Variants in S100PBP observed in about 807,000 individuals in gnomAD.
S100PBP encodes S100P-binding protein.
Under a neutral mutation model 39.9 loss-of-function variants are expected in S100PBP, and 15 were observed. The ratio of observed to expected loss-of-function variants is 0.38; its 90% CI spans 0.25 to 0.58. The LOEUF (loss-of-function observed/expected upper bound fraction) is 0.58. S100PBP is among the 20% of genes least tolerant of loss of function. S100PBP has a pLI of 0.70. For missense variants in S100PBP, 504 were observed against 487.3 expected, an observed-to-expected ratio of 1.03 and a Z score of -0.32; for synonymous variants, 178 against 180.3, an observed-to-expected ratio of 0.99 and a Z score of 0.10.
chr1:32,854,338 T>G (rs1272339291), intron 6 of S100PBP, among the ~76,000 whole-genome samples: 2 of 152,212 alleles, frequency 1.3e-5, no homozygotes, highest in Non-Finnish European at 2.9e-5. Context: ...CTAGATTACT[T>G]ATGATAACTA....
intron 4 of S100PBP, among the ~76,000 whole-genome samples, chr1:32,829,659 G>A (rs763052929): frequency 1.1e-4 from 17 of 152,110 alleles, no homozygotes; most frequent in African/African-American, 3.9e-4. Flanking sequence ...GGGTCTCACT[G>A]TGTTGCCCTG....
chr1:32,840,114 A>T (rs1640018488), intron 5 of S100PBP, among the ~76,000 whole-genome samples: 1 of 152,082 alleles, frequency 6.6e-6, no homozygotes, highest in South Asian at 2.1e-4. Flanking sequence ...CCTCCTGAGT[A>T]GCTGGGATAA....
intron 5 of S100PBP, among the ~76,000 whole-genome samples, chr1:32,831,134 T>C (rs374864048): frequency 9.2e-5 from 14 of 152,210 alleles, no homozygotes; most frequent in East Asian, 3.9e-4. Flanking sequence ...CAGCAAACTT[T>C]CTCGAGTATT....
chr1:32,827,373 C>G (rs1236185779), intron 3 of S100PBP, among the ~76,000 whole-genome samples: 1 of 152,180 alleles, frequency 6.6e-6, no homozygotes, highest in Non-Finnish European at 1.5e-5. Context: ...AGATACAGCA[C>G]TAGCTCTGAA....
intron 5 of S100PBP, among the ~76,000 whole-genome samples, chr1:32,834,241 A>T (rs1639723799): frequency 1.3e-5 from 2 of 152,202 alleles, no homozygotes; most frequent in African/African-American, 2.4e-5. Flanking sequence ...CATAATTTTT[A>T]AAAAATCATG....
chr1:32,848,694 C>A (rs1640485925), intron 5 of S100PBP, among the ~76,000 whole-genome samples: 1 of 152,178 alleles, frequency 6.6e-6, no homozygotes, highest in Non-Finnish European at 1.5e-5. Flanking sequence ...CAGCATTATC[C>A]GTCCTCCTCC....
chr1:32,835,716 G>A (rs934126412), intron 5 of S100PBP: 6 of 151,520 alleles, frequency 4.0e-5, no homozygotes, highest in Non-Finnish European at 7.4e-5. Flanking sequence ...TACCCATTGT[G>A]GCATGTGACA....
rs775620743 is a variant in S100PBP, at chr1:32,826,848, T to A, written c.749T>A (p.Met250Lys). ...RISDHSETPN[M>K]ELSCRNGGSH... Reference sequence around the variant, plus strand: ...TCAGACCATTCAGAGACTCCTAATATGGAGTTATCCTGCAGAAATGGTGGT... The same window carrying A: ...TCAGACCATTCAGAGACTCCTAATAAGGAGTTATCCTGCAGAAATGGTGGT... The change falls in exon 3 of 7, where the codon ATG becomes AAG. Residue 250 changes from methionine (M) to lysine (K), a missense_variant. Physicochemically the swap from Met to Lys is moderately conservative, Grantham distance 95 (BLOSUM62 -1). Transcript: ENST00000373475. 1 of 1,613,724 alleles carries A rather than the reference T, an allele frequency of 6.2e-7. No homozygotes were observed. The highest frequency in any genetic ancestry group is 8.5e-7 in the Non-Finnish European group (1 of 1,179,768).
In S100PBP at chr1:32,826,298, C is replaced by T. The variant is rs1488810064; in HGVS notation, c.199C>T (p.Pro67Ser). 3 of 1,613,970 alleles carry T rather than the reference C, an allele frequency of 1.9e-6. No individual in the cohort carries two copies. The highest frequency in any genetic ancestry group is 2.5e-6 in the Non-Finnish European group (3 of 1,179,966). ...TGATGCACTGTTGAAGGAAGATGAC[C>T]CATCATATGAGCAGTCTTCTGGGGA... Reference protein sequence around the residue: ...EIDALLKEDDPSYEQSSGEDD... With the variant: ...EIDALLKEDDSSYEQSSGEDD... Residue 67 changes from proline (P) to serine (S), a missense_variant, in exon 3 of 7, where the codon CCA becomes TCA. Transcript: ENST00000373475.
chr1:32,842,284 G>A (rs1640155002), intron 5 of S100PBP, among the ~76,000 whole-genome samples: 1 of 137,510 alleles, frequency 7.3e-6, no homozygotes, highest in Non-Finnish European at 1.5e-5. Flanking sequence ...GGAATGTAAG[G>A]CTTATTTTCT....
intron 5 of S100PBP, among the ~76,000 whole-genome samples, chr1:32,840,077 C>G (rs1640016761): frequency 6.6e-6 from 1 of 152,066 alleles, no homozygotes. Context: ...CTCTGCCTCC[C>G]AGGTTCAAGC....
At chr1:32,846,506 T>C (rs889248848) in intron 5 of S100PBP, among the ~76,000 whole-genome samples, 16 of 152,094 alleles carry the variant, frequency 1.1e-4, no homozygotes, top group East Asian at 1.9e-4. Flanking sequence ...CTTCCATCTT[T>C]CCCTGACTCA....
intron 1 of S100PBP, among the ~76,000 whole-genome samples, chr1:32,819,967 C>T (rs17510718): frequency 0.012 from 1,781 of 152,152 alleles, 20 homozygotes; most frequent in Non-Finnish European, 0.02. Flanking sequence ...GTTCAGTGAA[C>T]ATTAATTTGC....
At chr1:32,822,627 A>G (rs1639131483) in intron 1 of S100PBP, among the ~76,000 whole-genome samples, 1 of 151,716 alleles carries the variant, frequency 6.6e-6, no homozygotes, top group Admixed American at 6.6e-5. Context: ...TTTCAAAAAA[A>G]AAAAAAAAAA....
Position 32,826,498 on chromosome 1 carries a change from A to C in S100PBP, c.399A>C (p.Leu133Phe). ...SGHGPAHTKP[L>F]NRRSVLEKNL... ...ATGGACCAGCTCATACTAAACCATT[A>C]AACAGACGCTCTGTACTAGAAAAGA... Residue 133 changes from leucine to phenylalanine, a missense_variant, in exon 3 of 7, where the codon TTA becomes TTC. Leu to Phe is a conservative substitution (Grantham distance 22, BLOSUM62 0). Transcript: ENST00000373475. The C allele has an allele frequency of 6.2e-7, 1 of 1,614,168 alleles. No individual in the cohort carries two copies. The highest frequency in any genetic ancestry group is 8.5e-7 in the Non-Finnish European group (1 of 1,180,036).
At position 32,855,968 on chromosome 1, in the gene S100PBP, C is replaced by G; in HGVS notation, c.1157C>G (p.Thr386Ser). Reference sequence around the variant, plus strand: ...AAACATCTGCAAAGATACAGTCTGACTCAGTGGGTTGACAGGAACATGCGA... The same window carrying G: ...AAACATCTGCAAAGATACAGTCTGAGTCAGTGGGTTGACAGGAACATGCGA... ...RQKHLQRYSLTQWVDRNMRSH... is the reference protein window; with the variant it reads ...RQKHLQRYSLSQWVDRNMRSH... The change falls in exon 7 of 7, where the codon ACT becomes AGT. Residue 386 changes from threonine (T) to serine (S), a missense_variant. Coordinates refer to ENST00000373475, the MANE Select transcript of S100PBP (RefSeq NM_022753.4). The G allele has an allele frequency of 6.2e-7, 1 of 1,613,754 alleles. No individual in the cohort carries two copies. The highest frequency in any genetic ancestry group is 8.5e-7 in the Non-Finnish European group (1 of 1,179,776).
chr1:32,826,900 A>G lies in S100PBP; in HGVS notation c.801A>G (p.Arg267=), dbSNP rs1278711539. Residue 267 remains arginine (R), a synonymous_variant, in exon 3 of 7, where the codon AGA becomes AGG. Transcript: ENST00000373475. ...CACACAAGTCAAGTTGTGAAATGAGATCTCTGGTTGTTTCCACCTCATCAA... is the reference window on the plus strand; with the variant it reads ...CACACAAGTCAAGTTGTGAAATGAGGTCTCTGGTTGTTTCCACCTCATCAA... The part of the protein sequence containing the change: ...GGSHKSSCEM[R]SLVVSTSSNK... The G allele has an allele frequency of 1.3e-6, 2 of 1,599,410 alleles. No individual in the cohort carries two copies. The highest frequency in any genetic ancestry group is 1.1e-5 in the South Asian group (1 of 88,062).
chr1:32,839,595 G>A (rs372048758), intron 5 of S100PBP, among the ~76,000 whole-genome samples: 5 of 151,370 alleles, frequency 3.3e-5, no homozygotes, highest in African/African-American at 7.3e-5. Flanking sequence ...TGGCACAACC[G>A]TAGTGCAGTA....
At chr1:32,842,342 G>A (rs75333404) in intron 5 of S100PBP, among the ~76,000 whole-genome samples, 1,574 of 150,082 alleles carry the variant, frequency 0.01, 27 homozygotes, top group African/African-American at 0.035. Context: ...TGAAAAGACT[G>A]TCCATTCTGC....
Sources: allele counts gnomAD v4.1 joint callset (sites outside exome capture counted in the v4.1 genomes callset), GRCh38; gene constraint gnomAD v4.1.1; transcripts MANE v1.5; gene names NCBI Gene and HGNC (gene_info 2026-07-23, HGNC 2026-07-21).